Variants in CAPN2 observed in about 807,000 individuals in gnomAD.
CAPN2 encodes calpain 2.
A neutral mutation model predicts 102.3 loss-of-function variants in CAPN2; 92 were observed. The observed-to-expected ratio is 0.90, with a 90% CI of 0.76 to 1.07. CAPN2 has a LOEUF of 1.07. Ranked by LOEUF, CAPN2 falls within the 50% of genes least tolerant of loss-of-function variation. CAPN2 has a pLI of 0.00. For missense variants in CAPN2, 800 were observed against 909.4 expected (o/e 0.88, Z 1.55); for synonymous variants, 340 against 355.4 (o/e 0.96, Z 0.49).
intron 5 of CAPN2, among the ~76,000 whole-genome samples, chr1:223,748,608 G>A (rs548219236): frequency 2.6e-5 from 4 of 152,166 alleles, no homozygotes; most frequent in Non-Finnish European, 5.9e-5. Flanking sequence ...CAGTGTCCCT[G>A]GGCCACTCAA....
chr1:223,703,792 A>G (rs1381015418), intron 1 of CAPN2, among the ~76,000 whole-genome samples: 3 of 152,200 alleles, frequency 2.0e-5, no homozygotes, highest in Non-Finnish European at 2.9e-5. Flanking sequence ...AAGTTGACAC[A>G]CTTGGTTAAA....
intron 2 of CAPN2, among the ~76,000 whole-genome samples, chr1:223,737,729 A>C (rs1660501174): frequency 7.0e-6 from 1 of 143,044 alleles, no homozygotes; most frequent in Non-Finnish European, 1.5e-5. Flanking sequence ...GGGAGAGAAT[A>C]CAATAACACC....
rs72749525 is a variant in CAPN2, at chr1:223,760,919, T to C, written c.1530-662T>C. ...CTTGGTCACTTAGTTAAAATCACAG[T>C]GGCCCAAGGAAGAACCTCCTGAGCT... On this transcript the variant is annotated intron_variant, in intron 12 of 20. Transcript: ENST00000295006. Among the ~76,000 whole-genome samples the C allele has an allele frequency of 3.2e-3, 485 of 152,332 alleles. 5 individuals are homozygous for C. Among genetic ancestry groups the C allele is most frequent in the Non-Finnish European group, 5.1e-3 (345 of 68,024 alleles).
rs1202084763 is a variant in CAPN2 at position 223,741,464 on chromosome 1, A to T, written c.308-2636A>T. Among the ~76,000 whole-genome samples, 75 of 141,910 alleles carry T rather than the reference A, an allele frequency of 5.3e-4. 3 individuals are homozygous for T. The East Asian group carries it at 7.8e-3, about 15-fold the overall frequency. The allele number at this position is 141,910 out of a possible 152,430, so 93.1% of individuals were successfully genotyped here. On this transcript the variant is annotated intron_variant, in intron 2 of 20. Transcript: ENST00000295006. ...TGTATATATATATATATATATATAT[A>T]TATATTTGAGAGGGAGTCTCATTCT...
chr1:223,763,333 C>T (rs894724615), intron 14 of CAPN2, among the ~76,000 whole-genome samples: 1 of 152,198 alleles, frequency 6.6e-6, no homozygotes, highest in Non-Finnish European at 1.5e-5. Context: ...TGCTCTGCGC[C>T]TCCACCGGCC....
At position 223,750,872 on chromosome 1, in the gene CAPN2, T is replaced by C; in HGVS notation, c.814-18T>C. The stretch of plus-strand genomic sequence containing the variant: ...TTGAACTCAACCTCTTACTCCTCCC[T>C]TTTATCTAATCCTGCAGGTTGAAAG... On this transcript the variant is annotated intron_variant, in intron 6 of 20. Coordinates refer to ENST00000295006, the MANE Select transcript of CAPN2 (RefSeq NM_001748.5). 6.5e-7 allele frequency: 1 copy of C among 1,550,008 alleles called. No individual in the cohort carries two copies. The highest frequency in any genetic ancestry group is 8.7e-7 in the Non-Finnish European group (1 of 1,145,594).
Position 223,754,342 on chromosome 1 carries a change from C to CA in CAPN2, c.1136-1137dup, listed in dbSNP as rs1201953443. 6.6e-6 allele frequency among the ~76,000 whole-genome samples: 1 copy of CA among 152,228 alleles called. No individual in the cohort carries two copies. The highest frequency in any genetic ancestry group is 1.5e-5 in the Non-Finnish European group (1 of 68,036). Reference sequence around the variant, plus strand: ...GGCGCTGGGAAGGCCCTCTGCCCCCCACAAGGGACCCCTCCTACCCACTAG... The same window carrying CA: ...GGCGCTGGGAAGGCCCTCTGCCCCCCAACAAGGGACCCCTCCTACCCACTAG... On this transcript the variant is annotated intron_variant, in intron 9 of 20. Coordinates refer to ENST00000295006, the MANE Select transcript of CAPN2 (RefSeq NM_001748.5). The surrounding 1 kb of genome is among the most constrained non-coding windows in gnomAD (Gnocchi z 4.7).
At position 223,774,362 on chromosome 1, in the gene CAPN2, CT is replaced by C. The variant is rs558418612; in HGVS notation, c.2080-470del. On this transcript the variant is annotated intron_variant, in intron 20 of 20. Transcript: ENST00000295006. ...CCGTTCAGTCTGCAGGGATTTCAAC[CT>C]TGGCTGCAGATTCCATCACATGGGG... Among the ~76,000 whole-genome samples the C allele has an allele frequency of 2.0e-5, 3 of 152,300 alleles. No homozygotes were observed. The East Asian group carries it at 5.8e-4, about 29-fold the overall frequency.
chr1:223,722,485 C>G (rs948607064), intron 2 of CAPN2, among the ~76,000 whole-genome samples: 3 of 151,560 alleles, frequency 2.0e-5, no homozygotes, highest in Non-Finnish European at 4.4e-5. Flanking sequence ...GAGATGGGGT[C>G]TCACTGTGTT....
intron 18 of CAPN2, chr1:223,770,879 A>G (rs1661454981): frequency 5.7e-6 from 1 of 174,698 alleles, no homozygotes; most frequent in African/African-American, 2.4e-5. Context: ...GTAAGACCCT[A>G]GCAGAATTGG....
intron 3 of CAPN2, 123 bp from the exon 4 acceptor site, chr1:223,745,183 C>A: frequency 7.7e-7 from 1 of 1,294,734 alleles, no homozygotes; most frequent in East Asian, 2.5e-5. Context: ...AGCACCTCCT[C>A]CCAGGATGCG....
rs762816796 is a variant in CAPN2, at chr1:223,745,413, C to T, written c.534C>T (p.Ser178=). The T allele has an allele frequency of 1.4e-5, 22 of 1,614,066 alleles. No homozygotes were observed. The highest frequency in any genetic ancestry group is 6.6e-5 in the South Asian group (6 of 91,086). The change falls in exon 4 of 21, where the codon AGC becomes AGT. Residue 178 remains serine (S), a synonymous_variant. Coordinates refer to ENST00000295006, the MANE Select transcript of CAPN2 (RefSeq NM_001748.5). ...VHSAEGSEFW[S]ALLEKAYAKI... is the part of the protein sequence containing the mutation. ...CAGCCGAAGGGAGCGAGTTCTGGAG[C>T]GCCCTGCTGGAGAAGGCATACGCCA...
intron 12 of CAPN2, 91 bp from the exon 13 acceptor site, chr1:223,761,490 A>T: frequency 5.8e-6 from 5 of 856,656 alleles, no homozygotes; most frequent in East Asian, 3.0e-5. Flanking sequence ...CCCCTGCTGG[A>T]TTTAGCACTG....
At chr1:223,749,188 T>G in intron 6 of CAPN2, 66 bp downstream of exon 6, 1 of 1,426,896 alleles carries the variant, frequency 7.0e-7, no homozygotes, top group Non-Finnish European at 9.9e-7. Flanking sequence ...GCACAGTTTG[T>G]GGTGATGCCC....
At position 223,755,659 on chromosome 1, in the gene CAPN2, G is replaced by T. The variant is rs28370095; in HGVS notation, c.1305+10G>T. ...CTTTGGCATCTATGAGGTGCAGAGC[G>T]CAGGGGCTCCTGCCCTCCCTTCCCC... is the stretch of plus-strand genomic sequence containing the variant. On this transcript the variant is annotated intron_variant, in intron 10 of 20. Transcript: ENST00000295006. This position sits in a 1 kb window ranked among gnomAD's most constrained non-coding sequence, Gnocchi z 4.1. 1 of 1,557,634 alleles carries T rather than the reference G, an allele frequency of 6.4e-7. No homozygotes were observed. Among genetic ancestry groups the T allele is most frequent in the South Asian group, 1.2e-5 (1 of 81,544 alleles).
At chr1:223,714,345 C>G (rs1275460477) in intron 1 of CAPN2, among the ~76,000 whole-genome samples, 1 of 152,160 alleles carries the variant, frequency 6.6e-6, no homozygotes, top group Non-Finnish European at 1.5e-5. Flanking sequence ...ACTCATTTGA[C>G]AACACTGATT....
intron 13 of CAPN2, 75 bp from the exon 14 acceptor site, chr1:223,762,111 C>A: frequency 7.7e-7 from 1 of 1,299,662 alleles, no homozygotes; most frequent in Non-Finnish European, 1.1e-6. Context: ...GAGGTGGCTG[C>A]CATGGAAGGG....
chr1:223,734,602 C>T (rs940124873), intron 2 of CAPN2, among the ~76,000 whole-genome samples: 65 of 152,156 alleles, frequency 4.3e-4, no homozygotes, highest in Admixed American at 3.1e-3. Flanking sequence ...GACCCCCGGC[C>T]ACAACCCTCT....
Position 223,774,841 on chromosome 1 carries a change from G to C in CAPN2, c.2087G>C (p.Cys696Ser). Residue 696 changes from cysteine (C) to serine (S), a missense_variant, in exon 21 of 21, where the codon TGT becomes TCT. Coordinates refer to ENST00000295006, the MANE Select transcript of CAPN2 (RefSeq NM_001748.5). ...TIELDLISWL[C>S]FSVL is the part of the protein sequence containing the mutation. ...TTTTTTCCTTCCTCACAGTGGCTCT[G>C]TTTCTCAGTACTTTGAAGTTATAAC... The C allele has an allele frequency of 6.2e-7, 1 of 1,613,022 alleles. No homozygotes were observed. Among genetic ancestry groups the C allele is most frequent in the Non-Finnish European group, 8.5e-7 (1 of 1,179,590 alleles).
Sources: allele counts gnomAD v4.1 joint callset (sites outside exome capture counted in the v4.1 genomes callset), GRCh38; gene constraint gnomAD v4.1.1; non-coding constraint Gnocchi (gnomAD v3.1); transcripts MANE v1.5; gene names NCBI Gene and HGNC (gene_info 2026-07-23, HGNC 2026-07-21).